The following CAPNS1 variants were observed in gnomAD, a reference collection of about 807,000 sequenced individuals.
CAPNS1 encodes calpain small subunit 1.
In CAPNS1, 32 loss-of-function variants were observed where a neutral mutation model predicts 39.2. The ratio of observed to expected loss-of-function variants is 0.82; its 90% CI spans 0.62 to 1.10. CAPNS1 has a LOEUF of 1.10. Ranked by LOEUF, CAPNS1 falls within the 50% of genes least tolerant of loss-of-function variation. The pLI, the probability that CAPNS1 is intolerant of heterozygous loss-of-function variation, is 0.00. For synonymous variants in CAPNS1, 153 were observed against 136.2 expected (o/e 1.12, Z -0.86); for missense variants, 353 against 373.1 (o/e 0.95, Z 0.44).
At chr19:36,140,769 C>T (rs1974327606) in intron 1 of CAPNS1, 2 of 502,840 alleles carry the variant, frequency 4.0e-6, no homozygotes, top group South Asian at 2.7e-5. Flanking sequence ...CGCGTGCACC[C>T]AGTCCAGGCT....
At chr19:36,140,960 G>A in intron 1 of CAPNS1, 37 bp from the exon 2 acceptor site, 2 of 1,595,624 alleles carry the variant, frequency 1.3e-6, no homozygotes, top group Non-Finnish European at 1.7e-6. Flanking sequence ...GTGGGCTCAG[G>A]GGCGAAGCAC....
intron 6 of CAPNS1, among the ~76,000 whole-genome samples, chr19:36,144,499 G>T (rs192531205): frequency 1.3e-5 from 2 of 152,234 alleles, no homozygotes; most frequent in African/African-American, 4.8e-5. Context: ...TCTGTACATG[G>T]GCCAGCCATT....
chr19:36,140,656 C>T, intron 1 of CAPNS1: 1 of 271,504 alleles, frequency 3.7e-6, no homozygotes. Flanking sequence ...TCAGGCTGGG[C>T]TCTGGATCTC....
intron 3 of CAPNS1, 145 bp from the exon 4 acceptor site, chr19:36,142,507 T>C: frequency 1.4e-6 from 1 of 717,012 alleles, no homozygotes; most frequent in Non-Finnish European, 2.5e-6. Context: ...CCCACATACG[T>C]GCACCCCATT....
chr19:36,147,186 G>C (rs1974598808), intron 9 of CAPNS1, among the ~76,000 whole-genome samples: 1 of 152,226 alleles, frequency 6.6e-6, no homozygotes, highest in Non-Finnish European at 1.5e-5. Context: ...ACATGGCTGG[G>C]AAGTGGGGAT....
rs1568394384 is a variant in CAPNS1 at position 36,146,036 on chromosome 19, G to A, written c.586G>A (p.Gly196Ser). Residue 196 changes from glycine (G) to serine (S), a missense_variant, in exon 8 of 11, where the codon GGT (glycine) becomes AGT (serine). By Grantham distance (56) the Gly-to-Ser change is moderately conservative. Transcript: ENST00000246533. ...SGTICSSELPGAFEAAGFHLN... is the reference protein window; with the variant it reads ...SGTICSSELPSAFEAAGFHLN... Reference sequence around the variant, plus strand: ...GACCATTTGCAGTAGTGAACTCCCAGGTGCCTTTGAGGCAGCAGGTATGGC... The same window carrying A: ...GACCATTTGCAGTAGTGAACTCCCAAGTGCCTTTGAGGCAGCAGGTATGGC... The A allele has an allele frequency of 4.3e-6, 7 of 1,614,176 alleles. 1 individual carries two copies. The South Asian group carries it at 7.7e-5, about 18-fold the overall frequency.
At chr19:36,145,934 C>T (rs542620130) in intron 7 of CAPNS1, 42 bp from the exon 8 acceptor site, 6 of 1,611,376 alleles carry the variant, frequency 3.7e-6, no homozygotes, top group Non-Finnish European at 2.5e-6. Context: ...AGACACTATG[C>T]CCCACAATGC....
At chr19:36,141,602 G>C (rs947138089) in intron 2 of CAPNS1, 3 of 1,064,454 alleles carry the variant, frequency 2.8e-6, no homozygotes, top group Non-Finnish European at 2.3e-6. Flanking sequence ...TTTTACGGAA[G>C]GGGCTTGACT....
intron 9 of CAPNS1, among the ~76,000 whole-genome samples, chr19:36,147,352 T>C (rs1365145840): frequency 6.6e-6 from 1 of 152,132 alleles, no homozygotes; most frequent in Non-Finnish European, 1.5e-5. Flanking sequence ...GTGAGCATGA[T>C]TAGGTCATGC....
rs1182865082 is a variant in CAPNS1 at position 36,145,856 on chromosome 19, C to T, written c.507C>T (p.Asn169=). 9 of 1,614,080 alleles carry T rather than the reference C, an allele frequency of 5.6e-6. No homozygotes were observed. The highest frequency in any genetic ancestry group is 7.6e-6 in the Non-Finnish European group (9 of 1,180,024). The change falls in exon 7 of 11, where the codon AAC becomes AAT. Residue 169 remains asparagine, a synonymous_variant. Transcript: ENST00000246533. ...LGFEEFKYLW[N]NIKRWQAIYK... is the part of the protein sequence containing the mutation. ...TTGAGGAATTCAAGTACTTGTGGAA[C>T]AACATCAAAAGGTGGCAGGTGTGTA...
chr19:36,140,954 G>T (rs941249283), intron 1 of CAPNS1, 43 bp from the exon 2 acceptor site: 11 of 1,590,722 alleles, frequency 6.9e-6, no homozygotes, highest in Non-Finnish European at 8.6e-6. Flanking sequence ...GAGGGTGTGG[G>T]CTCAGGGGCG....
intron 6 of CAPNS1, among the ~76,000 whole-genome samples, chr19:36,143,811 C>G (rs1361359977): frequency 8.1e-5 from 12 of 149,050 alleles, no homozygotes; most frequent in African/African-American, 3.0e-4. Context: ...TGCAGTGAGC[C>G]GAGATCGCGC....
chr19:36,145,766 C>G, intron 6 of CAPNS1, 40 bp from the exon 7 acceptor site: 2 of 1,568,222 alleles, frequency 1.3e-6, no homozygotes, highest in East Asian at 4.5e-5. Context: ...ATGCATGCAT[C>G]TGGGTGTAGC....
intron 9 of CAPNS1, among the ~76,000 whole-genome samples, chr19:36,146,633 G>A (rs981648198): frequency 1.3e-5 from 2 of 152,124 alleles, no homozygotes; most frequent in Non-Finnish European, 2.9e-5. Flanking sequence ...TGTGCTTGGG[G>A]AAGCCTAGAG....
Position 36,141,149 on chromosome 19 carries a change from CGGCGGTGGT to C in CAPNS1, c.141_149del (p.Gly54_Gly56del). On this transcript the variant is annotated inframe_deletion, in exon 2 of 11. Coordinates refer to ENST00000246533, the MANE Select transcript of CAPNS1 (RefSeq NM_001749.4). ...GCGGCGGCGGCGGCGGCGGCGGCGG[CGGCGGTGGT>C]GGAGGCGGCGGTGGCGGTGGAACGG... 1 of 1,386,064 alleles carries C rather than the reference CGGCGGTGGT, an allele frequency of 7.2e-7. No individual in the cohort carries two copies. Among genetic ancestry groups the C allele is most frequent in the South Asian group, 1.7e-5 (1 of 57,390 alleles). 85.9% of individuals were successfully genotyped at this position (1,386,064 alleles called of 1,614,324 possible). A position where few individuals can be genotyped will look rare whatever the true frequency, so the allele number is the denominator to read the frequency against.
Position 36,149,647 on chromosome 19 carries a change from C to G in CAPNS1, c.780+11C>G. ...GTGAACATCCAGGAGGTAAGGACCC[C>G]CATATTGGGGTATGGGTGCCTGGGA... On this transcript the variant is annotated intron_variant, in intron 10 of 10. Coordinates refer to ENST00000246533, the MANE Select transcript of CAPNS1 (RefSeq NM_001749.4). 1 of 1,580,414 alleles carries G rather than the reference C, an allele frequency of 6.3e-7. No individual in the cohort carries two copies. Among genetic ancestry groups the G allele is most frequent in the Non-Finnish European group, 8.6e-7 (1 of 1,163,204 alleles).
chr19:36,144,630 C>T (rs776706568), intron 6 of CAPNS1, among the ~76,000 whole-genome samples: 29 of 152,168 alleles, frequency 1.9e-4, no homozygotes, highest in African/African-American at 9.7e-5. Context: ...GCAATCCTTC[C>T]GCCTTGGCCT....
In CAPNS1 at chr19:36,145,792, C is replaced by T. The variant is rs1159657842; in HGVS notation, c.457-14C>T. 3.7e-6 allele frequency: 6 copies of T among 1,612,112 alleles called. 1 individual carries two copies. The highest frequency in any genetic ancestry group is 4.2e-6 in the Non-Finnish European group (5 of 1,178,492). On this transcript the variant is annotated splice_polypyrimidine_tract_variant and intron_variant, in intron 6 of 10. Coordinates refer to ENST00000246533, the MANE Select transcript of CAPNS1 (RefSeq NM_001749.4). ...TGGGTGTAGCTGTCACTCTTCTTAA[C>T]ACCCTCCCACCAGAGCGACACCACA...
rs749681659 is a variant in CAPNS1, at chr19:36,142,753, G to A, written c.333+12G>A. 10 of 1,611,700 alleles carry A rather than the reference G, an allele frequency of 6.2e-6. No individual in the cohort carries two copies. The African/African-American group carries it at 1.3e-4, about 22-fold the overall frequency. On this transcript the variant is annotated intron_variant, in intron 4 of 10. Transcript: ENST00000246533. The stretch of plus-strand genomic sequence containing the variant: ...AGCTGGCTGGAGATGTAAGTAACCT[G>A]GGGTCCCTGGCCCCGTCCTAACCGT...
Sources: gnomAD v4.1 joint callset for allele counts (sites outside exome capture counted in the v4.1 genomes callset) on GRCh38, gnomAD v4.1.1 for gene constraint, MANE v1.5 for transcripts, NCBI Gene and HGNC (gene_info 2026-07-23, HGNC 2026-07-21) for gene names.